Variants in OPA1 observed in about 807,000 individuals in gnomAD.
OPA1 encodes OPA1 mitochondrial dynamin like GTPase.
In OPA1, 59 loss-of-function variants were observed where a neutral mutation model predicts 152.9. The ratio of observed to expected loss-of-function variants is 0.39; its 90% CI spans 0.31 to 0.48. The LOEUF (loss-of-function observed/expected upper bound fraction) is 0.48. Ranked by LOEUF, OPA1 falls within the 20% of genes least tolerant of loss-of-function variation. The pLI, the probability that OPA1 is intolerant of heterozygous loss-of-function variation, is 0.96. For missense variants in OPA1, 1,008 were observed against 1,216.8 expected (o/e 0.83, Z 2.55); for synonymous variants, 400 against 389.9 (o/e 1.03, Z -0.31).
rs138381600 is a variant in OPA1 at position 193,691,880 on chromosome 3, A to T, written c.2984-183A>T. 2.3e-4 allele frequency: 124 copies of T among 528,460 alleles called. No individual in the cohort carries two copies. In the Middle Eastern group the frequency reaches 4.7e-3, roughly 20 times the overall value. 32.7% of individuals were successfully genotyped at this position (528,460 alleles called of 1,614,324 possible). A position where few individuals can be genotyped will look rare whatever the true frequency, so the allele number is the denominator to read the frequency against. ...TCAGTCTCTCCTCCCACTTCCAAAA[A>T]ATGTCTGAGACCTACTACTATAATC... On this transcript the variant is annotated intron_variant, in intron 29 of 30. Transcript: ENST00000361510.
chr3:193,689,349 A>G (rs531866282), intron 29 of OPA1, among the ~76,000 whole-genome samples: 42 of 152,128 alleles, frequency 2.8e-4, no homozygotes, highest in Non-Finnish European at 4.7e-4. Context: ...CTTCCTGGTA[A>G]CTTAGTTAAG....
At chr3:193,677,355 G>A (rs2109367229) in intron 29 of OPA1, among the ~76,000 whole-genome samples, 1 of 143,920 alleles carries the variant, frequency 6.9e-6, no homozygotes, top group African/African-American at 2.6e-5. Flanking sequence ...GTGCAGTGGT[G>A]TGATCATGGC....
chr3:193,667,118 T>C lies in OPA1; in HGVS notation c.2873-52T>C, dbSNP rs1039735769. 1.2e-5 allele frequency: 10 copies of C among 848,580 alleles called. No individual in the cohort carries two copies. In the African/African-American group the frequency reaches 1.4e-4, roughly 11 times the overall value. 52.6% of individuals were successfully genotyped at this position (848,580 alleles called of 1,614,324 possible). A position where few individuals can be genotyped will look rare whatever the true frequency, so the allele number is the denominator to read the frequency against. ...ATATATAGGTTAATTTTATCATCTT[T>C]ATTCATTTATAAAAACGATGCTCCT... is the stretch of plus-strand genomic sequence containing the variant. On this transcript the variant is annotated intron_variant, in intron 28 of 30. Coordinates refer to ENST00000361510, the MANE Select transcript of OPA1 (RefSeq NM_130837.3).
In OPA1 at chr3:193,593,301, C is replaced by T; in HGVS notation, c.-77C>T. The T allele has an allele frequency of 6.8e-7, 1 of 1,463,602 alleles. No individual in the cohort carries two copies. The highest frequency in any genetic ancestry group is 9.2e-7 in the Non-Finnish European group (1 of 1,089,874). 90.7% of individuals were successfully genotyped at this position (1,463,602 alleles called of 1,614,324 possible). A position where few individuals can be genotyped will look rare whatever the true frequency, so the allele number is the denominator to read the frequency against. ...GGCCACTTCCTGGGTCATTCCTGGA[C>T]CGGGAGCCGGGCTGGGGCTCACACG... On this transcript the variant is annotated 5_prime_UTR_variant, in exon 1 of 31. Coordinates refer to ENST00000361510, the MANE Select transcript of OPA1 (RefSeq NM_130837.3).
intron 21 of OPA1, 94 bp from the exon 22 acceptor site, chr3:193,654,768 A>T: frequency 1.5e-6 from 2 of 1,295,158 alleles, no homozygotes; most frequent in Non-Finnish European, 2.2e-6. Context: ...TTAAATATGT[A>T]CAGTTTATTA....
At chr3:193,682,060 T>A (rs956936144) in intron 29 of OPA1, among the ~76,000 whole-genome samples, 1 of 152,200 alleles carries the variant, frequency 6.6e-6, no homozygotes, top group Admixed American at 6.5e-5. Context: ...ATTAGCCAAA[T>A]TGTGAATGCA....
chr3:193,638,475 A>G (rs559988322), intron 11 of OPA1, among the ~76,000 whole-genome samples: 2 of 152,344 alleles, frequency 1.3e-5, no homozygotes, highest in East Asian at 1.9e-4. Context: ...TCCTGTTTAG[A>G]AAAAAAGTGC....
At chr3:193,626,333 G>A (rs1731135369) in intron 7 of OPA1, 131 bp downstream of exon 7, 2 of 713,978 alleles carry the variant, frequency 2.8e-6, no homozygotes, top group South Asian at 3.2e-5. Flanking sequence ...AAATATAAAA[G>A]ATGCATCATA....
rs1035809028 is a variant in OPA1 at position 193,696,929 on chromosome 3, C to A, written c.*2329C>A. ...CGTTTAACCCACTGTGCTATAGTTG[C>A]GGGTGGAACAGTCAACCTTTCTAGT... On this transcript the variant is annotated 3_prime_UTR_variant, in exon 31 of 31. Transcript: ENST00000361510. 1 of 152,180 alleles carries A rather than the reference C, an allele frequency of 6.6e-6. No homozygotes were observed. Among genetic ancestry groups the A allele is most frequent in the African/African-American group, 2.4e-5 (1 of 41,436 alleles). The allele number at this position is 152,180 out of a possible 1,614,324, so 9.4% of individuals were successfully genotyped here. A position where few individuals can be genotyped will look rare whatever the true frequency, so the allele number is the denominator to read the frequency against.
chr3:193,687,974 G>A (rs1051453160), intron 29 of OPA1, among the ~76,000 whole-genome samples: 8 of 152,126 alleles, frequency 5.3e-5, no homozygotes, highest in African/African-American at 1.9e-4. Flanking sequence ...ATCCTGATCT[G>A]TGTTGCTTGT....
chr3:193,648,277 G>A (rs752101423), intron 20 of OPA1, 143 bp downstream of exon 20: 34 of 635,462 alleles, frequency 5.4e-5, no homozygotes, highest in Middle Eastern at 3.4e-4. Context: ...TACATCTCTA[G>A]GAGCAGTTAT....
chr3:193,593,359 T>C lies in OPA1; in HGVS notation c.-19T>C. 1.3e-6 allele frequency: 2 copies of C among 1,544,614 alleles called. No homozygotes were observed. Among genetic ancestry groups the C allele is most frequent in the East Asian group, 2.5e-5 (1 of 40,502 alleles). On this transcript the variant is annotated 5_prime_UTR_variant, in exon 1 of 31. Coordinates refer to ENST00000361510, the MANE Select transcript of OPA1 (RefSeq NM_130837.3). ...CCGCGTGGCCGTCTCGGCGCCTGCG[T>C]GACCTCCCCGCCGGCGGGATGTGGC...
intron 1 of OPA1, among the ~76,000 whole-genome samples, chr3:193,608,525 C>T (rs1436910388): frequency 1.3e-5 from 2 of 152,162 alleles, no homozygotes; most frequent in Non-Finnish European, 2.9e-5. Flanking sequence ...GAGTGAGTTT[C>T]TTAATCCTGA....
intron 28 of OPA1, among the ~76,000 whole-genome samples, chr3:193,666,833 A>G (rs1349988937): frequency 6.6e-6 from 1 of 152,144 alleles, no homozygotes; most frequent in African/African-American, 2.4e-5. Flanking sequence ...TTTAAAATAA[A>G]TCATAATTGG....
chr3:193,659,587 T>G (rs1461361926), intron 25 of OPA1, 26 bp downstream of exon 25: 1 of 1,569,416 alleles, frequency 6.4e-7, no homozygotes, highest in East Asian at 2.3e-5. Flanking sequence ...TCTCTAGTCT[T>G]ATGATGATAT....
At chr3:193,681,880 A>AG (rs35186121) in intron 29 of OPA1, among the ~76,000 whole-genome samples, 71,200 of 151,888 alleles carry the variant, frequency 0.47, 17,141 homozygotes, top group African/African-American at 0.55. Flanking sequence ...CCTCCTCTTC[A>AG]GGCCTCCCTA....
At chr3:193,595,934 CT>C (rs1553865168) in intron 1 of OPA1, among the ~76,000 whole-genome samples, 1 of 152,192 alleles carries the variant, frequency 6.6e-6, no homozygotes, top group East Asian at 1.9e-4. Flanking sequence ...TACATATACC[CT>C]ATGTATATAT....
At chr3:193,645,370 C>T (rs897356975) in intron 16 of OPA1, among the ~76,000 whole-genome samples, 183 bp from the exon 17 acceptor site, 6 of 152,098 alleles carry the variant, frequency 3.9e-5, no homozygotes, top group Admixed American at 6.5e-5. Context: ...AATACATTTT[C>T]AATGTAGTAA....
chr3:193,676,979 CAAAAAAAAAAAA>C (rs151218523), intron 29 of OPA1, among the ~76,000 whole-genome samples: 5 of 70,834 alleles, frequency 7.1e-5, no homozygotes, highest in African/African-American at 1.1e-4. Context: ...AGACTCGTCT[CAAAAAAAAAAAA>C]AAAAAAAAAA....
Sources: gnomAD v4.1 joint callset for allele counts (sites outside exome capture counted in the v4.1 genomes callset) on GRCh38, gnomAD v4.1.1 for gene constraint, MANE v1.5 for transcripts, NCBI Gene and HGNC (gene_info 2026-07-23, HGNC 2026-07-21) for gene names.